GOLGA4: variants seen among roughly 807,000 people sequenced by gnomAD.
GOLGA4 encodes the protein golgin subfamily A member 4.
Under a neutral mutation model 265.9 loss-of-function variants are expected in GOLGA4, and 169 were observed. The observed-to-expected ratio is 0.64, with a 90% CI of 0.56 to 0.72. The LOEUF (loss-of-function observed/expected upper bound fraction) is 0.72. Ranked by LOEUF, GOLGA4 falls within the 30% of genes least tolerant of loss-of-function variation. The pLI is 0.00. For missense variants in GOLGA4, 2,482 were observed against 2,483.4 expected, an observed-to-expected ratio of 1.00 and a Z score of 0.01; for synonymous variants, 923 against 855.8, an observed-to-expected ratio of 1.08 and a Z score of -1.37.
In GOLGA4 at chr3:37,307,021, C is replaced by T. The variant is rs574651425; in HGVS notation, c.1234+4689C>T. Among the ~76,000 whole-genome samples the T allele has an allele frequency of 4.3e-3, 659 of 152,202 alleles. 1 individual carries two copies. Among genetic ancestry groups the T allele is most frequent in the Admixed American group, 0.011 (175 of 15,278 alleles). On this transcript the variant is annotated intron_variant, in intron 10 of 23. Transcript: ENST00000361924. ...TAACCCATGCCACAATGTTAATCCT[C>T]CCTCCCATTAAAATGTTTTTTCCTA... is the stretch of plus-strand genomic sequence containing the variant.
chr3:37,298,806 GC>G (rs762138503), intron 7 of GOLGA4, 26 bp from the exon 8 acceptor site: 1 of 1,522,336 alleles, frequency 6.6e-7, no homozygotes, highest in South Asian at 1.2e-5. Flanking sequence ...TTACTGATGG[GC>G]CCTTCTTATG....
rs2096934487 is a variant in GOLGA4, at chr3:37,315,303, G to A, written c.1235-117G>A. ...GTATCTCTTGGCTTAGAACAGTGAT[G>A]AGTTTTTTAACCTATCCTGCTACTG... On this transcript the variant is annotated intron_variant, in intron 10 of 23. Transcript: ENST00000361924. 13 of 823,362 alleles carry A rather than the reference G, an allele frequency of 1.6e-5. No homozygotes were observed. The South Asian group carries it at 2.0e-4, about 13-fold the overall frequency. The allele number at this position is 823,362 out of a possible 1,614,324, so 51.0% of individuals were successfully genotyped here.
intron 2 of GOLGA4, among the ~76,000 whole-genome samples, chr3:37,272,717 C>G (rs923838223): frequency 2.6e-5 from 4 of 152,164 alleles, no homozygotes; most frequent in South Asian, 2.1e-4. Context: ...TTGGTCAGCT[C>G]TAGACCAAGG....
chr3:37,365,994 A>G, intron 23 of GOLGA4, 86 bp from the exon 24 acceptor site: 1 of 1,190,072 alleles, frequency 8.4e-7, no homozygotes, highest in Admixed American at 2.3e-5. Flanking sequence ...TCAAACTTGA[A>G]AAAACAAATA....
chr3:37,289,258 T>G lies in GOLGA4; in HGVS notation c.549T>G (p.Asp183Glu). 1.3e-6 allele frequency: 2 copies of G among 1,597,574 alleles called. No homozygotes were observed. The highest frequency in any genetic ancestry group is 1.7e-6 in the Non-Finnish European group (2 of 1,167,608). ...KLQGILSQSQ[D>E]KSLRRIAELR... is the part of the protein sequence containing the mutation. ...AGGGTATATTAAGTCAGAGTCAGGA[T>G]AAATCACTTCGGAGAATAGCAGAAT... Residue 183 changes from aspartate (D) to glutamate (E), a missense_variant, in exon 5 of 24, where the codon GAT (aspartate) becomes GAG (glutamate). By Grantham distance (45) the Asp-to-Glu change is conservative. This residue lies in a region of GOLGA4 where 1,536 missense variants were observed against 1,483.7 expected (regional missense o/e 1.04). Coordinates refer to ENST00000361924, the MANE Select transcript of GOLGA4 (RefSeq NM_002078.5).
chr3:37,269,409 A>G (rs1205912304), intron 2 of GOLGA4, among the ~76,000 whole-genome samples: 1 of 152,224 alleles, frequency 6.6e-6, no homozygotes, highest in Non-Finnish European at 1.5e-5. Flanking sequence ...CATCCTGAAC[A>G]TGTACCCCTG....
chr3:37,253,309 A>G (rs1393988221), intron 2 of GOLGA4, among the ~76,000 whole-genome samples: 1 of 151,992 alleles, frequency 6.6e-6, no homozygotes, highest in Non-Finnish European at 1.5e-5. Flanking sequence ...CTTCTATCTT[A>G]GAAGTTTAAC....
intron 16 of GOLGA4, 21 bp from the exon 17 acceptor site, chr3:37,335,029 TTTC>T: frequency 7.1e-7 from 1 of 1,402,002 alleles, no homozygotes; most frequent in Admixed American, 2.3e-5. Flanking sequence ...TTTTCCTTTT[TTTC>T]TTTTTTTTTA....
chr3:37,285,838 A>AT (rs1288786219), intron 3 of GOLGA4, among the ~76,000 whole-genome samples, 176 bp from the exon 4 acceptor site: 5 of 152,214 alleles, frequency 3.3e-5, no homozygotes, highest in Non-Finnish European at 7.3e-5. Context: ...TTTACATTTT[A>AT]TTTTTTAGAA....
chr3:37,361,828 C>T (rs1318165136), intron 23 of GOLGA4, among the ~76,000 whole-genome samples: 2 of 152,222 alleles, frequency 1.3e-5, no homozygotes, highest in East Asian at 1.9e-4. Flanking sequence ...CACAAGACAA[C>T]ACATTTGTCC....
intron 23 of GOLGA4, among the ~76,000 whole-genome samples, chr3:37,362,800 T>TTTTTTTTTTTTTTTTTTTTTTTA: frequency 6.9e-6 from 1 of 144,826 alleles, no homozygotes; most frequent in Non-Finnish European, 1.5e-5. Context: ...TTTTTTTTTT[T>TTTTTTTTTTTTTTTTTTTTTTTA]GAGACGGAGT....
intron 16 of GOLGA4, among the ~76,000 whole-genome samples, chr3:37,330,871 TA>T (rs578124638): frequency 6.6e-6 from 1 of 151,402 alleles, no homozygotes; most frequent in South Asian, 2.1e-4. Context: ...CTACTAAAAA[TA>T]AAAAAAATTA....
intron 2 of GOLGA4, among the ~76,000 whole-genome samples, chr3:37,271,536 A>G (rs149876666): frequency 6.8e-4 from 104 of 152,284 alleles, no homozygotes; most frequent in African/African-American, 2.2e-3. Flanking sequence ...CCCCATATCT[A>G]TTACCCAATG....
chr3:37,275,699 G>C, intron 2 of GOLGA4: 15 of 1,612,026 alleles, frequency 9.3e-6, no homozygotes, highest in Non-Finnish European at 1.3e-5. Context: ...AGCCATGGAG[G>C]ACGAAGTGGT....
At chr3:37,345,229 GT>G (rs1367593713) in intron 20 of GOLGA4, among the ~76,000 whole-genome samples, 13 of 152,146 alleles carry the variant, frequency 8.5e-5, no homozygotes, top group African/African-American at 3.1e-4. Context: ...AATGTTGATT[GT>G]TCTCAGTAGT....
chr3:37,326,311 T>C lies in GOLGA4; in HGVS notation c.4425T>C (p.Tyr1475=). 6.2e-7 allele frequency: 1 copy of C among 1,611,854 alleles called. No homozygotes were observed. The highest frequency in any genetic ancestry group is 8.5e-7 in the Non-Finnish European group (1 of 1,178,990). Residue 1475 remains tyrosine (Y), a synonymous_variant, in exon 14 of 24, where the codon TAT becomes TAC. Transcript: ENST00000361924. ...TTGAGTTAAAATCAAAGGAAGCTTA[T>C]GAAAAGGATGAGCAGATAAATTTAT... ...IQLELKSKEA[Y]EKDEQINLLK...
intron 9 of GOLGA4, among the ~76,000 whole-genome samples, 155 bp downstream of exon 9, chr3:37,299,526 C>T (rs1253330013): frequency 3.3e-5 from 5 of 152,142 alleles, no homozygotes; most frequent in African/African-American, 1.2e-4. Context: ...TTTGTAACTA[C>T]TAGCATTAGT....
At chr3:37,247,269 C>A (rs1359498543) in intron 1 of GOLGA4, among the ~76,000 whole-genome samples, 1 of 152,176 alleles carries the variant, frequency 6.6e-6, no homozygotes, top group African/African-American at 2.4e-5. Context: ...TGTGACTAAT[C>A]CATAGGTGTT....
At chr3:37,311,117 G>T (rs914087435) in intron 10 of GOLGA4, among the ~76,000 whole-genome samples, 4 of 152,108 alleles carry the variant, frequency 2.6e-5, no homozygotes, top group Admixed American at 6.6e-5. Context: ...ATGTTTCTGG[G>T]TAGTAAGTAA....
Sources: allele counts gnomAD v4.1 joint callset (sites outside exome capture counted in the v4.1 genomes callset), GRCh38; gene constraint gnomAD v4.1.1; regional missense constraint gnomAD v4.1.1; transcripts MANE v1.5; gene names NCBI Gene and HGNC (gene_info 2026-07-23, HGNC 2026-07-21).